Variants in GRM5 observed in about 807,000 individuals in gnomAD.
GRM5 encodes glutamate metabotropic receptor 5.
In GRM5, 19 loss-of-function variants were observed where a neutral mutation model predicts 83.1. The observed-to-expected ratio is 0.23, with a 90% CI of 0.16 to 0.34. GRM5 has a LOEUF of 0.34. GRM5 is among the 10% of genes least tolerant of loss of function. The pLI is 1.00. For missense variants in GRM5, 1,160 were observed against 1,588.3 expected (o/e 0.73, Z 4.58); for synonymous variants, 675 against 633.6 (o/e 1.07, Z -0.98).
At chr11:88,781,066 A>G (rs1942965272) in intron 3 of GRM5, among the ~76,000 whole-genome samples, 1 of 151,156 alleles carries the variant, frequency 6.6e-6, no homozygotes, top group African/African-American at 2.4e-5. Flanking sequence ...GAGCTGGAAA[A>G]ACACATAAAT....
intron 3 of GRM5, among the ~76,000 whole-genome samples, chr11:88,725,194 T>TG (rs1204034736): frequency 6.6e-6 from 1 of 151,994 alleles, no homozygotes; most frequent in Non-Finnish European, 1.5e-5. Context: ...TCAAGTTTGG[T>TG]GGGGGGAGAG....
intron 2 of GRM5, among the ~76,000 whole-genome samples, chr11:88,935,995 G>A (rs1272122031): frequency 6.6e-6 from 1 of 151,800 alleles, no homozygotes; most frequent in Admixed American, 6.6e-5. Flanking sequence ...TAATGCTTTT[G>A]TCACATATTA....
At chr11:88,995,763 A>G (rs1940166337) in intron 2 of GRM5, among the ~76,000 whole-genome samples, 1 of 152,138 alleles carries the variant, frequency 6.6e-6, no homozygotes. Context: ...GAAAAATGGT[A>G]TATAGGTTGT....
chr11:88,537,165 A>G (rs1305499401), intron 8 of GRM5, among the ~76,000 whole-genome samples: 2 of 152,210 alleles, frequency 1.3e-5, no homozygotes, highest in African/African-American at 2.4e-5. Context: ...AAAAGGTCGT[A>G]CATGAAGTTA....
intron 3 of GRM5, among the ~76,000 whole-genome samples, chr11:88,808,844 C>T (rs1404910927): frequency 6.6e-6 from 1 of 151,978 alleles, no homozygotes; most frequent in African/African-American, 2.4e-5. Flanking sequence ...GATCCCTTAA[C>T]ATGAATTAAT....
intron 2 of GRM5, among the ~76,000 whole-genome samples, chr11:88,874,930 C>A (rs754808869): frequency 3.9e-5 from 6 of 151,930 alleles, no homozygotes; most frequent in African/African-American, 7.2e-5. Context: ...TAATGAATAT[C>A]TGTGCCTTCA....
At chr11:89,018,533 A>G (rs529813637) in intron 2 of GRM5, among the ~76,000 whole-genome samples, 111 of 152,268 alleles carry the variant, frequency 7.3e-4, no homozygotes, top group Non-Finnish European at 1.1e-3. Flanking sequence ...TTATTCTACT[A>G]TGTCTTGGAC....
intron 8 of GRM5, among the ~76,000 whole-genome samples, chr11:88,561,889 G>A (rs1428236890): frequency 6.6e-6 from 1 of 152,024 alleles, no homozygotes; most frequent in Non-Finnish European, 1.5e-5. Flanking sequence ...AAAATTGTTG[G>A]ATCTGTTAGA....
At chr11:88,730,297 G>T (rs1941778362) in intron 3 of GRM5, among the ~76,000 whole-genome samples, 1 of 152,160 alleles carries the variant, frequency 6.6e-6, no homozygotes. Flanking sequence ...GGTCATTAGA[G>T]AAATGCAAAA....
intron 3 of GRM5, among the ~76,000 whole-genome samples, chr11:88,788,572 T>C (rs963897685): frequency 1.3e-5 from 2 of 152,160 alleles, no homozygotes; most frequent in African/African-American, 2.4e-5. Context: ...TCTCTTCTAA[T>C]TGAGAACAGA....
intron 2 of GRM5, among the ~76,000 whole-genome samples, chr11:88,865,711 A>G (rs1394942328): frequency 7.3e-6 from 1 of 136,812 alleles, no homozygotes; most frequent in East Asian, 2.1e-4. Context: ...AACAAATTAC[A>G]AGAAAAAAAA....
At chr11:88,688,211 A>T (rs976463740) in intron 3 of GRM5, among the ~76,000 whole-genome samples, 4 of 152,206 alleles carry the variant, frequency 2.6e-5, no homozygotes, top group African/African-American at 9.6e-5. Context: ...TTAAACTCAG[A>T]ATCAGTTTAA....
Position 88,657,898 on chromosome 11 carries a change from G to A in GRM5, c.912-4495C>T, listed in dbSNP as rs138552908. On this transcript the variant is annotated intron_variant, in intron 3 of 9. Coordinates refer to ENST00000305447, the MANE Select transcript of GRM5 (RefSeq NM_001143831.3). Reference sequence around the variant, plus strand: ...TTCAGCCTTTATATTCACTGCAGATGGCCTATAACTCTGTTCTATGTCATC... The same window carrying A: ...TTCAGCCTTTATATTCACTGCAGATAGCCTATAACTCTGTTCTATGTCATC... Among the ~76,000 whole-genome samples, 556 of 152,224 alleles carry A rather than the reference G, an allele frequency of 3.7e-3. 3 individuals are homozygous for A. The highest frequency in any genetic ancestry group is 5.0e-3 in the Non-Finnish European group (340 of 68,024).
intron 2 of GRM5, among the ~76,000 whole-genome samples, chr11:89,036,649 TTAA>T: frequency 2.4e-5 from 1 of 40,940 alleles, no homozygotes; most frequent in East Asian, 7.8e-4. Context: ...GGCAAGACTA[TTAA>T]TCAGTATTTG....
intron 2 of GRM5, among the ~76,000 whole-genome samples, chr11:88,861,601 G>A (rs1944564361): frequency 6.6e-6 from 1 of 152,004 alleles, no homozygotes; most frequent in South Asian, 2.1e-4. Flanking sequence ...GGTTAGCTGG[G>A]ACTACAGGCA....
rs116914515 is a variant in GRM5, at chr11:89,065,238, G to A, written c.-201+538C>T. Among the ~76,000 whole-genome samples, 248 of 151,312 alleles carry A rather than the reference G, an allele frequency of 1.6e-3. 3 individuals are homozygous for A. The highest frequency in any genetic ancestry group is 0.014 in the Middle Eastern group (4 of 294). On this transcript the variant is annotated intron_variant, in intron 1 of 9. Coordinates refer to ENST00000305447, the MANE Select transcript of GRM5 (RefSeq NM_001143831.3). ...ACCTAATGGGCTCAAAGATAGAGGAGCCCATCTCTCTTCCTAAATCCTTGC... is the reference window on the plus strand; with the variant it reads ...ACCTAATGGGCTCAAAGATAGAGGAACCCATCTCTCTTCCTAAATCCTTGC...
intron 7 of GRM5, among the ~76,000 whole-genome samples, chr11:88,581,504 A>G (rs962058736): frequency 3.3e-5 from 5 of 152,268 alleles, no homozygotes; most frequent in Admixed American, 1.3e-4. Flanking sequence ...TCTTAGAAGA[A>G]AATAAAGATG....
chr11:88,789,456 G>A (rs1054924674), intron 3 of GRM5, among the ~76,000 whole-genome samples: 2 of 152,108 alleles, frequency 1.3e-5, no homozygotes, highest in African/African-American at 4.8e-5. Context: ...TAATGTACCT[G>A]CTAATATATA....
intron 3 of GRM5, among the ~76,000 whole-genome samples, chr11:88,804,748 C>G (rs1251724483): frequency 6.6e-6 from 1 of 151,938 alleles, no homozygotes; most frequent in Admixed American, 6.6e-5. Flanking sequence ...CAGGTTCTCA[C>G]TTGTAAGTGG....
Sources: allele counts gnomAD v4.1 joint callset (sites outside exome capture counted in the v4.1 genomes callset), GRCh38; gene constraint gnomAD v4.1.1; transcripts MANE v1.5; gene names NCBI Gene and HGNC (gene_info 2026-07-23, HGNC 2026-07-21).